Variants in PAX5 observed in about 807,000 individuals in gnomAD.
PAX5 encodes paired box protein Pax-5.
PAX5 carries 9 observed loss-of-function variants against 43.7 expected under a neutral mutation model. The ratio of observed to expected loss-of-function variants is 0.21; its 90% confidence interval spans 0.12 to 0.36. PAX5 has a LOEUF of 0.36. Ranked by LOEUF, PAX5 falls within the 10% of genes least tolerant of loss-of-function variation. PAX5 has a pLI of 1.00. For synonymous variants in PAX5, 228 were observed against 214.3 expected (o/e 1.06, Z -0.56); for missense variants, 383 against 532.7 (o/e 0.72, Z 2.77).
chr9:36,911,512 G>A (rs1200458243), intron 7 of PAX5, among the ~76,000 whole-genome samples: 10 of 152,186 alleles, frequency 6.6e-5, no homozygotes, highest in African/African-American at 2.4e-4. Context: ...TTCCGAGGAC[G>A]GCCCCGTGGC....
intron 7 of PAX5, among the ~76,000 whole-genome samples, chr9:36,916,519 G>A (rs147848732): frequency 1.1e-3 from 166 of 152,150 alleles, no homozygotes; most frequent in African/African-American, 3.8e-3. Flanking sequence ...AGGTTACTTC[G>A]GAGGAGTTGG....
chr9:36,942,313 C>G (rs1218525111), intron 6 of PAX5, among the ~76,000 whole-genome samples: 15 of 152,230 alleles, frequency 9.9e-5, no homozygotes, highest in Admixed American at 9.8e-4. Context: ...CAAATCAGAG[C>G]CCAGGTCTCA....
intron 8 of PAX5, among the ~76,000 whole-genome samples, chr9:36,880,388 G>C (rs207470220): frequency 2.0e-5 from 3 of 152,226 alleles, no homozygotes; most frequent in African/African-American, 7.2e-5. Flanking sequence ...CGGGGGAAGA[G>C]ACTTGGGCCT....
At chr9:36,984,684 G>C (rs1179616750) in intron 5 of PAX5, among the ~76,000 whole-genome samples, 1 of 151,986 alleles carries the variant, frequency 6.6e-6, no homozygotes, top group Non-Finnish European at 1.5e-5. Context: ...TCGAACTCCT[G>C]ACCTCAGGTG....
intron 6 of PAX5, among the ~76,000 whole-genome samples, chr9:36,945,304 C>T (rs1832400392): frequency 6.6e-6 from 1 of 152,044 alleles, no homozygotes; most frequent in African/African-American, 2.4e-5. Context: ...TACAGTGGCA[C>T]AATCATGACT....
intron 1 of PAX5, among the ~76,000 whole-genome samples, chr9:37,023,522 G>A (rs572583307): frequency 5.3e-5 from 8 of 152,292 alleles, no homozygotes; most frequent in Admixed American, 3.3e-4. Flanking sequence ...CACAGGACAG[G>A]GCAGACTGGG....
chr9:36,977,594 C>T (rs1835551883), intron 5 of PAX5, among the ~76,000 whole-genome samples: 1 of 151,956 alleles, frequency 6.6e-6, no homozygotes, highest in Non-Finnish European at 1.5e-5. Context: ...GCAATGGCAC[C>T]ATCTTGGTTC....
At chr9:36,959,459 A>C (rs1162352008) in intron 6 of PAX5, among the ~76,000 whole-genome samples, 1 of 152,136 alleles carries the variant, frequency 6.6e-6, no homozygotes, top group Non-Finnish European at 1.5e-5. Flanking sequence ...AAATGGCCCA[A>C]ATTTCTCCAG....
intron 8 of PAX5, among the ~76,000 whole-genome samples, chr9:36,875,300 C>T (rs531868352): frequency 3.9e-5 from 6 of 152,330 alleles, no homozygotes; most frequent in South Asian, 4.1e-4. Flanking sequence ...GTCCTGAGTG[C>T]GACTAGGTGC....
intron 8 of PAX5, among the ~76,000 whole-genome samples, chr9:36,857,213 T>C (rs1018583186): frequency 5.9e-5 from 9 of 152,194 alleles, no homozygotes; most frequent in Non-Finnish European, 1.2e-4. Flanking sequence ...GAAAGTAACA[T>C]CTCTCCCCAA....
intron 6 of PAX5, among the ~76,000 whole-genome samples, chr9:36,955,403 A>G (rs1189726285): frequency 6.6e-6 from 1 of 152,080 alleles, no homozygotes; most frequent in Non-Finnish European, 1.5e-5. Context: ...CAGTTTTTAT[A>G]TTATTTCCAT....
intron 6 of PAX5, among the ~76,000 whole-genome samples, chr9:36,953,525 T>A (rs1225818082): frequency 2.0e-5 from 3 of 152,198 alleles, no homozygotes; most frequent in Admixed American, 2.0e-4. Context: ...TTTTTCATTC[T>A]TTTTTCTCTT....
chr9:37,000,546 A>G (rs1837756499), intron 5 of PAX5, among the ~76,000 whole-genome samples: 1 of 152,240 alleles, frequency 6.6e-6, no homozygotes, highest in Non-Finnish European at 1.5e-5. Flanking sequence ...TGAAGTCAGG[A>G]GTCCAGGATG....
intron 4 of PAX5, 151 bp downstream of exon 4, chr9:37,006,322 G>T: frequency 1.8e-6 from 1 of 545,372 alleles, no homozygotes; most frequent in Non-Finnish European, 3.3e-6. Context: ...CATTTACCAG[G>T]TTCAGCCCTT....
chr9:36,934,996 C>A (rs1331603313), intron 6 of PAX5, among the ~76,000 whole-genome samples: 6 of 152,180 alleles, frequency 3.9e-5, no homozygotes, highest in African/African-American at 1.4e-4. Context: ...TGTCAAGGTG[C>A]TTTTATTCAT....
chr9:36,935,451 GTT>G (rs1342227387), intron 6 of PAX5, among the ~76,000 whole-genome samples: 1 of 152,134 alleles, frequency 6.6e-6, no homozygotes, highest in Non-Finnish European at 1.5e-5. Flanking sequence ...GATCTATACA[GTT>G]TCAGTGACTC....
intron 7 of PAX5, among the ~76,000 whole-genome samples, chr9:36,918,037 T>C (rs1449696960): frequency 1.3e-5 from 2 of 152,190 alleles, no homozygotes; most frequent in Non-Finnish European, 2.9e-5. Flanking sequence ...TGTTCCCTCA[T>C]CTCTCTTCTT....
rs766139192 is a variant in PAX5, at chr9:36,837,148, G to A, written c.*3412C>T. 10 of 232,976 alleles carry A rather than the reference G, an allele frequency of 4.3e-5. No homozygotes were observed. The highest frequency in any genetic ancestry group is 2.3e-4 in the Admixed American group (4 of 17,772). 14.4% of individuals were successfully genotyped at this position (232,976 alleles called of 1,614,324 possible). A position where few individuals can be genotyped will look rare whatever the true frequency, so the allele number is the denominator to read the frequency against. On this transcript the variant is annotated 3_prime_UTR_variant, in exon 10 of 10. Transcript: ENST00000358127. ...CACTCCCATGACAGGAGCACAACTC[G>A]GTGGAGAGAGAATGGGGCCTGGAGA...
chr9:37,016,377 C>T (rs1435792887), intron 2 of PAX5, among the ~76,000 whole-genome samples: 1 of 152,206 alleles, frequency 6.6e-6, no homozygotes, highest in East Asian at 1.9e-4. Flanking sequence ...AGTCAAAACT[C>T]AAGCAATCGG....
Sources: gnomAD v4.1 joint callset for allele counts (sites outside exome capture counted in the v4.1 genomes callset) on GRCh38, gnomAD v4.1.1 for gene constraint, MANE v1.5 for transcripts, NCBI Gene and HGNC (gene_info 2026-07-23, HGNC 2026-07-21) for gene names.